TMEM74: variants seen among roughly 807,000 people sequenced by gnomAD.
The protein encoded by TMEM74 is transmembrane protein 74.
In TMEM74, 13 loss-of-function variants were observed where a neutral mutation model predicts 18.1. That is an observed-to-expected ratio of 0.72 (90% CI 0.47 to 1.14). The LOEUF (loss-of-function observed/expected upper bound fraction) is 1.14. Ranked by LOEUF, TMEM74 falls within the 50% of genes most tolerant of loss-of-function variation. The probability of loss-of-function intolerance (pLI) is 0.00; values close to 1 mark genes in which losing one functional copy is unlikely to be tolerated. For synonymous variants in TMEM74, 159 were observed against 146.6 expected, an observed-to-expected ratio of 1.08 and a Z score of -0.61; for missense variants, 372 against 375.9, an observed-to-expected ratio of 0.99 and a Z score of 0.09.
intron 1 of TMEM74, among the ~76,000 whole-genome samples, chr8:108,740,567 G>A (rs947399837): frequency 1.3e-5 from 2 of 152,148 alleles, no homozygotes; most frequent in Non-Finnish European, 2.9e-5. Flanking sequence ...TAAACCTTGT[G>A]TCAAGTAAGT....
At position 108,785,043 on chromosome 8, in the gene TMEM74, C is replaced by T. The variant is rs1398186460; in HGVS notation, c.56G>A (p.Arg19Lys). The T allele has an allele frequency of 6.2e-7, 1 of 1,613,870 alleles. No homozygotes were observed. The highest frequency in any genetic ancestry group is 1.1e-5 in the South Asian group (1 of 91,032). ...AGGCAGCCCTCTTGAACTCCAGTCC[C>T]TGGCATCACAGAGGTCTGCCTGGTT... ...KSNQADLCDA[R>K]DWSSRGLPGD... The change falls in exon 2 of 2, where the codon AGG becomes AAG. Residue 19 changes from arginine (R) to lysine (K), a missense_variant. By Grantham distance (26) the Arg-to-Lys change is conservative (BLOSUM62 2). Coordinates refer to ENST00000297459, the MANE Select transcript of TMEM74 (RefSeq NM_153015.3).
At chr8:108,731,184 A>T (rs796837725) in intron 1 of TMEM74, among the ~76,000 whole-genome samples, 11 of 152,030 alleles carry the variant, frequency 7.2e-5, no homozygotes, top group African/African-American at 2.2e-4. Context: ...CAGATTTAGG[A>T]AGTTGAGTAA....
At chr8:108,712,983 T>G (rs1365226676) in intron 1 of TMEM74, among the ~76,000 whole-genome samples, 5 of 152,190 alleles carry the variant, frequency 3.3e-5, no homozygotes, top group Non-Finnish European at 7.4e-5. Context: ...TTTACTTTCC[T>G]GTAATGAGAC....
At chr8:108,762,044 A>G (rs1814050479) in intron 1 of TMEM74, among the ~76,000 whole-genome samples, 1 of 152,148 alleles carries the variant, frequency 6.6e-6, no homozygotes, top group South Asian at 2.1e-4. Flanking sequence ...ATAATTTAAT[A>G]GTGTTTCATT....
chr8:108,691,149 C>CAG (rs1360942553), intron 1 of TMEM74, among the ~76,000 whole-genome samples: 1 of 152,200 alleles, frequency 6.6e-6, no homozygotes, highest in Non-Finnish European at 1.5e-5. Context: ...TGAAGAGTCA[C>CAG]AGTCCCATGT....
At chr8:108,616,696 G>C (rs1812387351) in intron 2 of TMEM74, among the ~76,000 whole-genome samples, 1 of 152,076 alleles carries the variant, frequency 6.6e-6, no homozygotes. Context: ...CCTTAGAAGT[G>C]AACTAGCTTC....
chr8:108,627,476 G>C (rs1230453544), intron 2 of TMEM74, among the ~76,000 whole-genome samples: 1 of 151,954 alleles, frequency 6.6e-6, no homozygotes, highest in Non-Finnish European at 1.5e-5. Flanking sequence ...GACCGCCTAT[G>C]GTTGTTGTAA....
intron 1 of TMEM74, among the ~76,000 whole-genome samples, chr8:108,698,965 G>T (rs892802186): frequency 2.6e-5 from 4 of 152,096 alleles, no homozygotes; most frequent in Non-Finnish European, 5.9e-5. Flanking sequence ...TGGAAAAGCT[G>T]ACCAGACAGC....
At chr8:108,756,276 G>A (rs1813958581) in intron 1 of TMEM74, among the ~76,000 whole-genome samples, 1 of 151,876 alleles carries the variant, frequency 6.6e-6, no homozygotes, top group South Asian at 2.1e-4. Flanking sequence ...GTGATACAAA[G>A]TATCTGATTC....
chr8:108,682,025 A>C (rs1232869726), intron 1 of TMEM74, among the ~76,000 whole-genome samples: 1 of 152,060 alleles, frequency 6.6e-6, no homozygotes. Flanking sequence ...CTCTGCCCTA[A>C]AGGCAGATTT....
rs1368937463 is a variant in TMEM74 at position 108,701,195 on chromosome 8, C to G, written n.120-45758G>C. Among the ~76,000 whole-genome samples the G allele has an allele frequency of 3.2e-5, 4 of 123,854 alleles. No homozygotes were observed. In the East Asian group the frequency reaches 1.1e-3, roughly 34 times the overall value. The allele number at this position is 123,854 out of a possible 152,430, so 81.3% of individuals were successfully genotyped here. Reference sequence around the variant, plus strand: ...GACAAAATCCAACACCCATTCATGACTTAAAAAAAAAAAAAAAACAACTCT... The same window carrying G: ...GACAAAATCCAACACCCATTCATGAGTTAAAAAAAAAAAAAAAACAACTCT... On this transcript the variant is annotated intron_variant and non_coding_transcript_variant, in intron 1 of 3. Coordinates refer to the TMEM74 transcript ENST00000518838.
intron 1 of TMEM74, among the ~76,000 whole-genome samples, chr8:108,661,019 A>C (rs1812894811): frequency 6.6e-6 from 1 of 152,154 alleles, no homozygotes; most frequent in Admixed American, 6.6e-5. Flanking sequence ...ATTCCCAGAG[A>C]TTGACTAGGA....
chr8:108,761,732 C>A (rs756333861), intron 1 of TMEM74, among the ~76,000 whole-genome samples: 3 of 152,142 alleles, frequency 2.0e-5, no homozygotes, highest in Admixed American at 1.3e-4. Context: ...TTTCTTCTCT[C>A]TTTAGTCCTT....
intron 1 of TMEM74, among the ~76,000 whole-genome samples, chr8:108,710,599 C>T (rs777873834): frequency 2.6e-5 from 4 of 152,222 alleles, no homozygotes; most frequent in Admixed American, 6.5e-5. Context: ...CAGCAGCTCT[C>T]TCATCAGCAG....
At chr8:108,649,801 G>C (rs1236521567) in intron 2 of TMEM74, among the ~76,000 whole-genome samples, 6 of 152,120 alleles carry the variant, frequency 3.9e-5, no homozygotes, top group Non-Finnish European at 7.4e-5. Context: ...GGTGGCTGTG[G>C]CTTAGGGTTT....
At chr8:108,646,213 C>T (rs1283959100) in intron 2 of TMEM74, among the ~76,000 whole-genome samples, 2 of 151,654 alleles carry the variant, frequency 1.3e-5, no homozygotes, top group Non-Finnish European at 2.9e-5. Flanking sequence ...GCTAAATATA[C>T]ACTTTAGGAC....
intron 2 of TMEM74, among the ~76,000 whole-genome samples, chr8:108,611,529 T>C (rs1253952717): frequency 6.6e-6 from 1 of 152,202 alleles, no homozygotes; most frequent in Non-Finnish European, 1.5e-5. Flanking sequence ...ATAGAAAACA[T>C]AATGGTGTTT....
rs577553220 is a variant in TMEM74 at position 108,658,999 on chromosome 8, C to T, written n.120-3562G>A. Reference sequence around the variant, plus strand: ...CTAAACTTACTTTTACCACGGCTTCCACCTGCCACTATAGGGCAGATCTGT... The same window carrying T: ...CTAAACTTACTTTTACCACGGCTTCTACCTGCCACTATAGGGCAGATCTGT... On this transcript the variant is annotated intron_variant and non_coding_transcript_variant, in intron 1 of 3. Transcript: ENST00000518838. Among the ~76,000 whole-genome samples the T allele has an allele frequency of 3.9e-5, 6 of 152,170 alleles. No individual in the cohort carries two copies. The East Asian group carries it at 1.2e-3, about 29-fold the overall frequency.
intron 1 of TMEM74, among the ~76,000 whole-genome samples, chr8:108,690,475 G>A (rs1813214681): frequency 6.6e-6 from 1 of 151,148 alleles, no homozygotes; most frequent in Non-Finnish European, 1.5e-5. Context: ...TGGCAAGGCA[G>A]GTTTTTTGTT....
Sources: gnomAD v4.1 joint callset for allele counts (sites outside exome capture counted in the v4.1 genomes callset) on GRCh38, gnomAD v4.1.1 for gene constraint, MANE v1.5 for transcripts, NCBI Gene and HGNC (gene_info 2026-07-23, HGNC 2026-07-21) for gene names.